CRYBG3: variants seen among roughly 807,000 people sequenced by gnomAD.
CRYBG3 encodes crystallin beta-gamma domain containing 3.
Under a neutral mutation model 244.2 loss-of-function variants are expected in CRYBG3, and 127 were observed. The observed-to-expected ratio is 0.52, with a 90% CI of 0.45 to 0.60. The LOEUF is 0.60. Among genes scored for constraint, CRYBG3 ranks in the 20% least tolerant of loss-of-function variants. CRYBG3 has a pLI of 0.00. For missense variants in CRYBG3, 3,325 were observed against 3,442.5 expected, an observed-to-expected ratio of 0.97 and a Z score of 0.85; for synonymous variants, 1,132 against 1,195.8, an observed-to-expected ratio of 0.95 and a Z score of 1.10.
At chr3:97,849,082 G>A (rs545611592) in intron 2 of CRYBG3, among the ~76,000 whole-genome samples, 1 of 152,268 alleles carries the variant, frequency 6.6e-6, no homozygotes, top group East Asian at 1.9e-4. Context: ...GGTAACTTTG[G>A]GAAATTTATT....
intron 19 of CRYBG3, among the ~76,000 whole-genome samples, chr3:97,938,480 A>C (rs1291669930): frequency 6.6e-6 from 1 of 152,032 alleles, no homozygotes; most frequent in East Asian, 1.9e-4. Context: ...GTGTTAAATA[A>C]ATGGTAGCCA....
In CRYBG3 at chr3:97,944,783, A is replaced by T. The variant is rs2040314391; in HGVS notation, c.*1469A>T. 1 of 155,100 alleles carries T rather than the reference A, an allele frequency of 6.4e-6. No homozygotes were observed. The allele number at this position is 155,100 out of a possible 1,614,324, so 9.6% of individuals were successfully genotyped here. ...CAAAGGTATGTATATTTTCATTATA[A>T]AAAACCAGTTTAAAATTTTTTCTTA... is the stretch of plus-strand genomic sequence containing the variant. On this transcript the variant is annotated 3_prime_UTR_variant, in exon 22 of 22. Transcript: ENST00000389622.
intron 2 of CRYBG3, 82 bp downstream of exon 2, chr3:97,843,343 T>C: frequency 2.5e-6 from 2 of 784,446 alleles, no homozygotes; most frequent in Non-Finnish European, 4.0e-6. Flanking sequence ...GTCATCTTAT[T>C]TTACATTTCA....
Position 97,875,519 on chromosome 3 carries a change from C to A in CRYBG3, c.4325C>A (p.Thr1442Lys). ...SHKRLDDRVK[T>K]HLFRSEDCNE... ...AAACGGTTAGATGATAGGGTAAAAACACATTTATTTCGCAGTGAGGACTGT... is the reference window on the plus strand; with the variant it reads ...AAACGGTTAGATGATAGGGTAAAAAAACATTTATTTCGCAGTGAGGACTGT... The change falls in exon 4 of 22, where the codon ACA (threonine) becomes AAA (lysine). Residue 1442 changes from threonine to lysine, a missense_variant. Thr to Lys is a moderately conservative substitution (Grantham distance 78). Coordinates refer to ENST00000389622, the MANE Select transcript of CRYBG3 (RefSeq NM_153605.4). 1 of 1,269,634 alleles carries A rather than the reference C, an allele frequency of 7.9e-7. No homozygotes were observed. The highest frequency in any genetic ancestry group is 9.9e-7 in the Non-Finnish European group (1 of 1,012,278). The allele number at this position is 1,269,634 out of a possible 1,614,324, so 78.6% of individuals were successfully genotyped here.
At chr3:97,880,198 TCTC>T (rs1259714674) in intron 6 of CRYBG3, 98 bp downstream of exon 6, 1 of 607,248 alleles carries the variant, frequency 1.6e-6, no homozygotes, top group Non-Finnish European at 2.9e-6. Context: ...GAAGTCATAT[TCTC>T]CTTCCTCTAC....
intron 9 of CRYBG3, among the ~76,000 whole-genome samples, chr3:97,889,103 T>C (rs2039542585): frequency 6.6e-6 from 1 of 152,220 alleles, no homozygotes; most frequent in Admixed American, 6.5e-5. Context: ...TTCCTCATAG[T>C]AGTTGTAATC....
At chr3:97,913,430 T>G (rs2039895605) in intron 16 of CRYBG3, among the ~76,000 whole-genome samples, 1 of 152,192 alleles carries the variant, frequency 6.6e-6, no homozygotes, top group Non-Finnish European at 1.5e-5. Flanking sequence ...CCAGCTACTG[T>G]CAACACTGCT....
intron 18 of CRYBG3, among the ~76,000 whole-genome samples, chr3:97,936,223 T>G (rs1304799325): frequency 6.6e-6 from 1 of 152,090 alleles, no homozygotes; most frequent in Non-Finnish European, 1.5e-5. Context: ...TTACACACTT[T>G]AATGCTGCCA....
rs777858841 is a variant in CRYBG3, at chr3:97,877,190, TTACTA to T, written c.5999_6003del (p.Thr2000IlefsTer27). The T allele has an allele frequency of 4.3e-6, 7 of 1,613,846 alleles. No individual in the cohort carries two copies. In the Admixed American group the frequency reaches 1.0e-4, roughly 23 times the overall value. ...CAAGATGAACAAGAAAATTCTTCCT[TTACTA>T]TATTATACGAAGAGCCCCTTCAAGA... On this transcript the variant is annotated frameshift_variant, in exon 4 of 22. Transcript: ENST00000389622. LOFTEE classifies it high-confidence loss of function.
Position 97,877,351 on chromosome 3 carries a change from G to T in CRYBG3, c.6157G>T (p.Glu2053Ter), listed in dbSNP as rs2039391980. 6.2e-7 allele frequency: 1 copy of T among 1,613,976 alleles called. No homozygotes were observed. The highest frequency in any genetic ancestry group is 8.5e-7 in the Non-Finnish European group (1 of 1,180,022). Residue 2053 changes from glutamate to a stop codon, truncating the protein, a stop_gained, in exon 4 of 22, where the codon GAA becomes TAA. Transcript: ENST00000389622. LOFTEE classifies it high-confidence loss of function. The stretch of plus-strand genomic sequence containing the variant: ...TAGAACTGACCTTGTCCATCACTTT[G>T]AAAAAGGTACTAAATTAGGTGAGAC... ...ESRTDLVHHF[E>*]KGTKLGETFD...
At chr3:97,867,619 T>C (rs1488459469) in intron 3 of CRYBG3, among the ~76,000 whole-genome samples, 1 of 152,258 alleles carries the variant, frequency 6.6e-6, no homozygotes, top group Non-Finnish European at 1.5e-5. Flanking sequence ...GTATGCCTAC[T>C]TCCTTAAATA....
intron 2 of CRYBG3, among the ~76,000 whole-genome samples, chr3:97,844,063 T>A (rs2038861978): frequency 6.6e-6 from 1 of 152,200 alleles, no homozygotes; most frequent in African/African-American, 2.4e-5. Flanking sequence ...TCATTACTGA[T>A]ATGGGCACTT....
At chr3:97,933,964 G>T in intron 18 of CRYBG3, 131 bp downstream of exon 18, 1 of 623,462 alleles carries the variant, frequency 1.6e-6, no homozygotes, top group Non-Finnish European at 2.8e-6. Context: ...TGGAAGAGAA[G>T]GGCTACCATA....
chr3:97,836,926 C>T (rs1338797634), intron 1 of CRYBG3: 1 of 152,138 alleles, frequency 6.6e-6, no homozygotes, highest in East Asian at 1.9e-4. Flanking sequence ...TTTTTTCCCA[C>T]TCATTCTTCT....
Position 97,822,266 on chromosome 3 carries a change from T to C in CRYBG3, c.60T>C (p.Ala20=). ...APWHSFSRFF[A]PRSPSRDKEE... ...GGCACAGCTTCTCCCGGTTCTTCGC[T>C]CCCCGAAGTCCTTCCCGGGACAAGG... Residue 20 remains alanine, a synonymous_variant, in exon 1 of 22, where the codon GCT becomes GCC. Coordinates refer to ENST00000389622, the MANE Select transcript of CRYBG3 (RefSeq NM_153605.4). 1.3e-6 allele frequency: 2 copies of C among 1,529,758 alleles called. No individual in the cohort carries two copies. Among genetic ancestry groups the C allele is most frequent in the Non-Finnish European group, 1.7e-6 (2 of 1,144,272 alleles). The allele number at this position is 1,529,758 out of a possible 1,614,324, so 94.8% of individuals were successfully genotyped here. A position where few individuals can be genotyped will look rare whatever the true frequency, so the allele number is the denominator to read the frequency against.
At chr3:97,919,734 C>T (rs544467047) in intron 17 of CRYBG3, among the ~76,000 whole-genome samples, 1,906 of 137,120 alleles carry the variant, frequency 0.014, 44 homozygotes, top group African/African-American at 0.047. Flanking sequence ...AAAAAAAAGG[C>T]TTAGGATGAT....
intron 1 of CRYBG3, among the ~76,000 whole-genome samples, chr3:97,833,227 G>T (rs1394116009): frequency 6.6e-6 from 1 of 152,144 alleles, no homozygotes; most frequent in Non-Finnish European, 1.5e-5. Context: ...ATACCCAAAG[G>T]ATTATAAATC....
At chr3:97,863,215 A>G (rs2039175388) in intron 2 of CRYBG3, among the ~76,000 whole-genome samples, 2 of 152,112 alleles carry the variant, frequency 1.3e-5, no homozygotes, top group African/African-American at 4.8e-5. Context: ...TAGGTGACAG[A>G]GACTGTAGGA....
chr3:97,829,705 G>A (rs1010431405), intron 1 of CRYBG3, among the ~76,000 whole-genome samples: 8 of 152,098 alleles, frequency 5.3e-5, no homozygotes, highest in East Asian at 1.9e-4. Context: ...ATTTAGTGTC[G>A]CTGTGTCAAG....
Sources: gnomAD v4.1 joint callset for allele counts (sites outside exome capture counted in the v4.1 genomes callset) on GRCh38, gnomAD v4.1.1 for gene constraint, MANE v1.5 for transcripts, NCBI Gene and HGNC (gene_info 2026-07-23, HGNC 2026-07-21) for gene names.